TOM1L2: variants seen among roughly 807,000 people sequenced by gnomAD.
TOM1L2 encodes target of myb1 like 2 membrane trafficking protein, also known as TOM1-like protein 2.
In TOM1L2, 31 loss-of-function variants were observed where a neutral mutation model predicts 67.9. The observed-to-expected ratio is 0.46, with a 90% CI of 0.34 to 0.62. TOM1L2 has a LOEUF of 0.62. Ranked by LOEUF, TOM1L2 falls within the 20% of genes least tolerant of loss-of-function variation. The pLI, the probability that TOM1L2 is intolerant of heterozygous loss-of-function variation, is 0.01. For synonymous variants in TOM1L2, 256 were observed against 254.0 expected (o/e 1.01, Z -0.07); for missense variants, 606 against 663.5 (o/e 0.91, Z 0.95).
rs2037013565 is a variant in TOM1L2, at chr17:17,869,180, T to C, written c.911+160A>G. On this transcript the variant is annotated intron_variant, in intron 8 of 14. Coordinates refer to ENST00000379504, the MANE Select transcript of TOM1L2 (RefSeq NM_001082968.2). ...AGTTCCCAGGAGGACAAGAAGCATT[T>C]TTCCTGTCAGCCGGGAACAAATTAG... The C allele has an allele frequency of 4.3e-6, 6 of 1,387,916 alleles. No homozygotes were observed. In the African/African-American group the frequency reaches 4.4e-5, roughly 10 times the overall value. The allele number at this position is 1,387,916 out of a possible 1,614,324, so 86.0% of individuals were successfully genotyped here.
At chr17:17,879,789 A>G (rs755550378) in intron 6 of TOM1L2, 46 bp from the exon 7 acceptor site, 3 of 1,451,798 alleles carry the variant, frequency 2.1e-6, no homozygotes, top group Admixed American at 3.3e-5. Context: ...AAGGTCAGTC[A>G]GCCTGCACTT....
intron 1 of TOM1L2, among the ~76,000 whole-genome samples, chr17:17,952,376 CTTTTTTTTTTTTT>C (rs60388742): frequency 5.4e-4 from 43 of 79,902 alleles, no homozygotes; most frequent in African/African-American, 1.2e-3. Context: ...TCTTTATTTT[CTTTTTTTTTTTTT>C]TTTTTTTTTT....
chr17:17,914,658 G>C (rs2039552717), intron 1 of TOM1L2, among the ~76,000 whole-genome samples: 1 of 152,148 alleles, frequency 6.6e-6, no homozygotes, highest in Non-Finnish European at 1.5e-5. Flanking sequence ...TCTGAGGACT[G>C]ACTTTGGTTA....
chr17:17,963,285 AAGAG>A (rs2145040598), intron 1 of TOM1L2, among the ~76,000 whole-genome samples: 1 of 152,308 alleles, frequency 6.6e-6, no homozygotes, highest in African/African-American at 2.4e-5. Flanking sequence ...GAAGAGAACA[AAGAG>A]AGAGCAATGG....
rs2035581280 is a variant in TOM1L2 at position 17,845,240 on chromosome 17, G to A, written c.*2395C>T. ...GTGGCTCCAGGCTAGGAAGGCAGGT[G>A]ACACTTGTCAGCATGGCCAATGGCC... On this transcript the variant is annotated 3_prime_UTR_variant, in exon 15 of 15. Transcript: ENST00000379504. 1 of 152,228 alleles carries A rather than the reference G, an allele frequency of 6.6e-6. No individual in the cohort carries two copies. The highest frequency in any genetic ancestry group is 2.4e-5 in the African/African-American group (1 of 41,454). 9.4% of individuals were successfully genotyped at this position (152,228 alleles called of 1,614,324 possible). A position where few individuals can be genotyped will look rare whatever the true frequency, so the allele number is the denominator to read the frequency against.
intron 1 of TOM1L2, among the ~76,000 whole-genome samples, chr17:17,935,623 C>T (rs544982900): frequency 6.6e-6 from 1 of 152,010 alleles, no homozygotes; most frequent in East Asian, 1.9e-4. Flanking sequence ...TCCCAGGGAC[C>T]CAGGGCAAGT....
intron 1 of TOM1L2, among the ~76,000 whole-genome samples, chr17:17,937,547 G>A (rs1004706619): frequency 1.3e-5 from 2 of 152,160 alleles, no homozygotes; most frequent in Admixed American, 6.5e-5. Context: ...TGTCACCAGT[G>A]GGGGAGGGCC....
At chr17:17,971,158 T>C (rs1474731859) in intron 1 of TOM1L2, among the ~76,000 whole-genome samples, 1 of 152,160 alleles carries the variant, frequency 6.6e-6, no homozygotes, top group Admixed American at 6.5e-5. Flanking sequence ...ACAAAAGATT[T>C]CAGCTTTGGT....
At chr17:17,885,255 G>T (rs1028591582) in intron 4 of TOM1L2, among the ~76,000 whole-genome samples, 1 of 152,262 alleles carries the variant, frequency 6.6e-6, no homozygotes. Context: ...AGGAGAAATT[G>T]ATGTGTGACA....
chr17:17,908,018 G>A (rs757330278), intron 1 of TOM1L2, among the ~76,000 whole-genome samples: 4 of 152,190 alleles, frequency 2.6e-5, no homozygotes, highest in Non-Finnish European at 5.9e-5. Context: ...CACACAGTCA[G>A]TACTATACAG....
chr17:17,857,175 G>A (rs1470474619), intron 12 of TOM1L2, among the ~76,000 whole-genome samples: 2 of 152,142 alleles, frequency 1.3e-5, no homozygotes, highest in African/African-American at 2.4e-5. Context: ...GAAGGGTCTC[G>A]ATCTCCTGAC....
intron 1 of TOM1L2, among the ~76,000 whole-genome samples, chr17:17,972,016 G>A (rs2042118184): frequency 6.6e-6 from 1 of 151,278 alleles, no homozygotes; most frequent in Non-Finnish European, 1.5e-5. Flanking sequence ...ACCCGCCCGT[G>A]AGGTGGCACC....
At chr17:17,917,677 C>T (rs1044918967) in intron 1 of TOM1L2, among the ~76,000 whole-genome samples, 7 of 81,984 alleles carry the variant, frequency 8.5e-5, no homozygotes. Flanking sequence ...ATATTAGCTT[C>T]CCAGGCCAGC....
At chr17:17,965,629 T>C (rs1424986981) in intron 1 of TOM1L2, among the ~76,000 whole-genome samples, 1 of 152,212 alleles carries the variant, frequency 6.6e-6, no homozygotes, top group Non-Finnish European at 1.5e-5. Flanking sequence ...ATTCAGACTA[T>C]AGCTCCCTCA....
intron 2 of TOM1L2, among the ~76,000 whole-genome samples, chr17:17,900,128 G>A (rs1298841429): frequency 6.6e-6 from 1 of 152,078 alleles, no homozygotes; most frequent in African/African-American, 2.4e-5. Context: ...CAGGAGAATC[G>A]CTTGAACCTG....
intron 1 of TOM1L2, among the ~76,000 whole-genome samples, chr17:17,949,017 G>A (rs1446849793): frequency 1.3e-5 from 2 of 152,202 alleles, no homozygotes; most frequent in Admixed American, 6.5e-5. Context: ...GCCACATACA[G>A]AGTGACTGTC....
chr17:17,862,539 G>T (rs2036615492), intron 11 of TOM1L2, 192 bp downstream of exon 11: 2 of 597,334 alleles, frequency 3.3e-6, no homozygotes, highest in Non-Finnish European at 6.0e-6. Context: ...GTGTTTGGGG[G>T]GGTGGGGGAG....
intron 13 of TOM1L2, among the ~76,000 whole-genome samples, chr17:17,850,561 C>T (rs868249128): frequency 4.0e-5 from 6 of 151,856 alleles, no homozygotes; most frequent in Middle Eastern, 3.5e-3. Flanking sequence ...AACCAAAGCA[C>T]GGCACATACA....
chr17:17,914,463 T>C (rs927974109), intron 1 of TOM1L2, among the ~76,000 whole-genome samples: 4 of 152,206 alleles, frequency 2.6e-5, no homozygotes, highest in Non-Finnish European at 4.4e-5. Flanking sequence ...CCTTGCTGGC[T>C]TTATGACTTT....
Sources: gnomAD v4.1 joint callset for allele counts (sites outside exome capture counted in the v4.1 genomes callset) on GRCh38, gnomAD v4.1.1 for gene constraint, MANE v1.5 for transcripts, NCBI Gene and HGNC (gene_info 2026-07-23, HGNC 2026-07-21) for gene names.